The following LRP12 variants were observed in gnomAD, a reference collection of about 807,000 sequenced individuals.
LRP12 encodes the protein LDL receptor related protein 12.
LRP12 carries 14 observed loss-of-function variants against 66.0 expected under a neutral mutation model. The ratio of observed to expected loss-of-function variants is 0.21; its 90% CI spans 0.14 to 0.33. The LOEUF (loss-of-function observed/expected upper bound fraction) is 0.33, where lower values mean the gene tolerates loss of function less well. Ranked by LOEUF, LRP12 falls within the 10% of genes least tolerant of loss-of-function variation. The pLI, the probability that LRP12 is intolerant of heterozygous loss-of-function variation, is 1.00. For missense variants in LRP12, 889 were observed against 1,053.4 expected, an observed-to-expected ratio of 0.84 and a Z score of 2.16; for synonymous variants, 357 against 359.1, an observed-to-expected ratio of 0.99 and a Z score of 0.07.
intron 1 of LRP12, among the ~76,000 whole-genome samples, chr8:104,573,002 G>A (rs537908769): frequency 3.3e-5 from 5 of 152,188 alleles, no homozygotes; most frequent in East Asian, 1.9e-4. Context: ...TTATTCTTAC[G>A]TAGTAGAAAA....
chr8:104,519,394 C>T (rs1253438902), intron 2 of LRP12, among the ~76,000 whole-genome samples: 1 of 152,018 alleles, frequency 6.6e-6, no homozygotes, highest in East Asian at 1.9e-4. Flanking sequence ...GGAATAATTA[C>T]TAGCACTTGA....
chr8:104,529,751 AT>A (rs1189834605), intron 2 of LRP12, among the ~76,000 whole-genome samples: 2 of 152,224 alleles, frequency 1.3e-5, no homozygotes, highest in Non-Finnish European at 2.9e-5. Context: ...ACCCAATTAG[AT>A]TTTAATGTAA....
intron 1 of LRP12, among the ~76,000 whole-genome samples, chr8:104,550,723 C>T (rs575826526): frequency 6.6e-6 from 1 of 152,048 alleles, no homozygotes; most frequent in African/African-American, 2.4e-5. Flanking sequence ...TATTTCTTTC[C>T]TTCTTACTGC....
intron 1 of LRP12, among the ~76,000 whole-genome samples, chr8:104,570,911 A>G (rs1258814166): frequency 6.6e-6 from 1 of 152,254 alleles, no homozygotes; most frequent in Non-Finnish European, 1.5e-5. Context: ...CCAATTAAAA[A>G]TGAGTAATGA....
chr8:104,529,220 G>A (rs1811290775), intron 2 of LRP12, among the ~76,000 whole-genome samples: 1 of 152,122 alleles, frequency 6.6e-6, no homozygotes, highest in Non-Finnish European at 1.5e-5. Flanking sequence ...ACACAGAGGG[G>A]AGACTATGTG....
chr8:104,497,556 C>A lies in LRP12; in HGVS notation c.996G>T (p.Leu332Phe), dbSNP rs774778316. ...GAGGTGCATGAGAATCAAAAGCTGT[C>A]AACACACGCAAAAGCTTGTGTGGAT... ...EENPHKLLRV[L>F]TAFDSHAPLT... The change falls in exon 5 of 7, where the codon TTG becomes TTT. Residue 332 changes from leucine to phenylalanine, a missense_variant. By Grantham distance (22) the Leu-to-Phe change is conservative (BLOSUM62 0). Transcript: ENST00000276654. The surrounding 1 kb of genome is among the most constrained non-coding windows in gnomAD (Gnocchi z 4.3). 1.9e-6 allele frequency: 3 copies of A among 1,613,702 alleles called. No homozygotes were observed. In the South Asian group the frequency reaches 3.3e-5, roughly 18 times the overall value.
At chr8:104,550,160 A>G (rs1407489845) in intron 1 of LRP12, among the ~76,000 whole-genome samples, 1 of 152,154 alleles carries the variant, frequency 6.6e-6, no homozygotes, top group African/African-American at 2.4e-5. Flanking sequence ...ACTAATTCTT[A>G]CAGCACCCCT....
chr8:104,510,827 C>T (rs1275261222), intron 2 of LRP12, among the ~76,000 whole-genome samples: 1 of 151,874 alleles, frequency 6.6e-6, no homozygotes, highest in African/African-American at 2.4e-5. Flanking sequence ...AAAGGTAAGA[C>T]TGTTGTATTA....
chr8:104,509,686 G>C (rs879591484), intron 2 of LRP12, among the ~76,000 whole-genome samples: 5 of 152,172 alleles, frequency 3.3e-5, no homozygotes, highest in Non-Finnish European at 7.4e-5. Context: ...GTGAAAAGGT[G>C]AAAGTTCTCA....
At chr8:104,582,331 T>C (rs1588512974) in intron 1 of LRP12, among the ~76,000 whole-genome samples, 1 of 152,310 alleles carries the variant, frequency 6.6e-6, no homozygotes, top group African/African-American at 2.4e-5. Context: ...TTTATTTACT[T>C]TGAAGTTTTG....
At chr8:104,584,366 G>C (rs952700190) in intron 1 of LRP12, among the ~76,000 whole-genome samples, 2 of 150,996 alleles carry the variant, frequency 1.3e-5, no homozygotes, top group African/African-American at 4.9e-5. Context: ...CTTAAATTGT[G>C]GTATCACTGG....
chr8:104,495,350 G>A lies in LRP12; in HGVS notation c.1581-141C>T. On this transcript the variant is annotated intron_variant, in intron 5 of 6. Transcript: ENST00000276654. ...CTTAGTCATTTGACAAACATTTACT[G>A]AATATATGTATTATCCCTACAGTGG... is the stretch of plus-strand genomic sequence containing the variant. The A allele has an allele frequency of 3.8e-6, 3 of 795,374 alleles. No individual in the cohort carries two copies. The South Asian group carries it at 5.6e-5, about 15-fold the overall frequency. 49.3% of individuals were successfully genotyped at this position (795,374 alleles called of 1,614,324 possible).
At chr8:104,584,480 A>C (rs1047640947) in intron 1 of LRP12, among the ~76,000 whole-genome samples, 11 of 152,144 alleles carry the variant, frequency 7.2e-5, no homozygotes, top group African/African-American at 2.4e-4. Flanking sequence ...CTAATTACAA[A>C]AGTAAATCTC....
intron 1 of LRP12, among the ~76,000 whole-genome samples, chr8:104,563,550 T>C (rs1811947790): frequency 1.3e-5 from 2 of 152,116 alleles, no homozygotes; most frequent in African/African-American, 4.8e-5. Flanking sequence ...GTCTGAATAT[T>C]TGTATCCTTC....
intron 1 of LRP12, among the ~76,000 whole-genome samples, chr8:104,548,525 A>G (rs1257237756): frequency 2.3e-4 from 23 of 100,652 alleles, no homozygotes; most frequent in African/African-American, 1.0e-3. Flanking sequence ...TTTTGTATCT[A>G]ATATATAATT....
At chr8:104,503,342 A>AG (rs1441165768) in intron 3 of LRP12, among the ~76,000 whole-genome samples, 1 of 150,606 alleles carries the variant, frequency 6.6e-6, no homozygotes, top group Non-Finnish European at 1.5e-5. Context: ...AAAAAAAAAA[A>AG]AAAAAAAAAA....
intron 2 of LRP12, among the ~76,000 whole-genome samples, chr8:104,523,396 C>T (rs1237294199): frequency 6.6e-6 from 1 of 152,102 alleles, no homozygotes; most frequent in African/African-American, 2.4e-5. Flanking sequence ...ACACACAGTA[C>T]CATTTACATT....
At chr8:104,551,528 C>A (rs188239440) in intron 1 of LRP12, among the ~76,000 whole-genome samples, 2 of 152,214 alleles carry the variant, frequency 1.3e-5, no homozygotes, top group East Asian at 3.9e-4. Context: ...TCCCTCCTAC[C>A]TCTAGTAGTC....
chr8:104,526,313 C>T (rs984769393), intron 2 of LRP12, among the ~76,000 whole-genome samples: 3 of 152,048 alleles, frequency 2.0e-5, no homozygotes, highest in Non-Finnish European at 4.4e-5. Context: ...ACTTCCTTCA[C>T]AGAATTGGAA....
Sources: gnomAD v4.1 joint callset for allele counts (sites outside exome capture counted in the v4.1 genomes callset) on GRCh38, gnomAD v4.1.1 for gene constraint, Gnocchi (gnomAD v3.1) non-coding constraint, MANE v1.5 for transcripts, NCBI Gene and HGNC (gene_info 2026-07-23, HGNC 2026-07-21) for gene names.